ALK: variants seen among roughly 807,000 people sequenced by gnomAD.
ALK encodes ALK receptor tyrosine kinase, also known as ALK tyrosine kinase receptor.
A neutral mutation model predicts 163.1 loss-of-function variants in ALK; 74 were observed. That is an observed-to-expected ratio of 0.45 (90% CI 0.38 to 0.55). The LOEUF (loss-of-function observed/expected upper bound fraction) is 0.55, where lower values mean the gene tolerates loss of function less well. Among genes scored for constraint, ALK ranks in the 20% least tolerant of loss-of-function variants. The pLI is 0.00. For missense variants in ALK, 2,063 were observed against 2,105.3 expected (o/e 0.98, Z 0.39); for synonymous variants, 960 against 843.2 (o/e 1.14, Z -2.40).
Position 29,307,991 on chromosome 2 carries a change from A to G in ALK, c.1647+10313T>C, listed in dbSNP as rs555632092. On this transcript the variant is annotated intron_variant, in intron 8 of 28. Transcript: ENST00000389048. ...TCTAAAAACATGAAGGCCACATACA[A>G]AAATAATCACCTTGAGATCTCTGGC... Among the ~76,000 whole-genome samples, 3 of 152,314 alleles carry G rather than the reference A, an allele frequency of 2.0e-5. No homozygotes were observed. The South Asian group carries it at 6.2e-4, about 32-fold the overall frequency.
intron 22 of ALK, chr2:29,221,141 A>T (rs1175441996): frequency 1.8e-6 from 1 of 566,064 alleles, no homozygotes; most frequent in African/African-American, 1.8e-5. Flanking sequence ...TCTTTCTCAG[A>T]TACTGGTGCG....
intron 1 of ALK, among the ~76,000 whole-genome samples, chr2:29,797,412 C>G (rs1037890870): frequency 6.6e-6 from 1 of 152,154 alleles, no homozygotes; most frequent in African/African-American, 2.4e-5. Flanking sequence ...CCCTGCACCC[C>G]AGTTATATTT....
chr2:29,382,210 T>C (rs1471621149), intron 5 of ALK, among the ~76,000 whole-genome samples: 1 of 152,150 alleles, frequency 6.6e-6, no homozygotes, highest in East Asian at 1.9e-4. Flanking sequence ...AGCGGAGACT[T>C]TCTGAGATTA....
chr2:29,427,963 A>G (rs1434290874), intron 4 of ALK, among the ~76,000 whole-genome samples: 1 of 152,120 alleles, frequency 6.6e-6, no homozygotes, highest in African/African-American at 2.4e-5. Flanking sequence ...TTAGAAATCA[A>G]TGCAGAAAGG....
chr2:29,261,802 C>T (rs1184669954), intron 11 of ALK, among the ~76,000 whole-genome samples: 1 of 152,140 alleles, frequency 6.6e-6, no homozygotes, highest in Non-Finnish European at 1.5e-5. Flanking sequence ...AGCATGTCCA[C>T]CCGTGTTTAA....
chr2:29,296,639 A>T (rs1666188149), intron 9 of ALK, among the ~76,000 whole-genome samples: 1 of 152,192 alleles, frequency 6.6e-6, no homozygotes, highest in Non-Finnish European at 1.5e-5. Flanking sequence ...ACCAGGCCAT[A>T]CCAGTGGTCC....
chr2:29,657,718 A>T (rs1558428864), intron 3 of ALK, among the ~76,000 whole-genome samples: 1 of 152,116 alleles, frequency 6.6e-6, no homozygotes. Context: ...AAAGACAATG[A>T]AAGACAACAA....
At chr2:29,364,136 T>A (rs1014367713) in intron 5 of ALK, among the ~76,000 whole-genome samples, 4 of 152,164 alleles carry the variant, frequency 2.6e-5, no homozygotes, top group Non-Finnish European at 5.9e-5. Context: ...TGGTTAGAGA[T>A]TAACGAAAGG....
chr2:29,217,900 A>T (rs1398266216), intron 23 of ALK, among the ~76,000 whole-genome samples: 1 of 152,048 alleles, frequency 6.6e-6, no homozygotes, highest in African/African-American at 2.4e-5. Context: ...TCCATCCCTC[A>T]TGTCCCTTGG....
intron 1 of ALK, among the ~76,000 whole-genome samples, chr2:29,735,220 A>T (rs1178022228): frequency 6.6e-6 from 1 of 151,688 alleles, no homozygotes; most frequent in Non-Finnish European, 1.5e-5. Flanking sequence ...TGGATATACC[A>T]TTCCCCTGTT....
chr2:29,794,511 T>G lies in ALK; in HGVS notation c.668-76814A>C, dbSNP rs140449298. On this transcript the variant is annotated intron_variant, in intron 1 of 28. Transcript: ENST00000389048. ...CTAGCTTTTGATCTGTCTCAGCTTT[T>G]GACATGCCTACTCACCAAACTTAAT... is the stretch of plus-strand genomic sequence containing the variant. Among the ~76,000 whole-genome samples, 38 of 152,338 alleles carry G rather than the reference T, an allele frequency of 2.5e-4. No individual in the cohort carries two copies. In the East Asian group the frequency reaches 6.2e-3, roughly 25 times the overall value.
At chr2:29,441,623 T>C (rs944886796) in intron 4 of ALK, among the ~76,000 whole-genome samples, 1 of 152,164 alleles carries the variant, frequency 6.6e-6, no homozygotes, top group Non-Finnish European at 1.5e-5. Context: ...ACCAGCATGA[T>C]TGTAGCTGTG....
intron 4 of ALK, among the ~76,000 whole-genome samples, chr2:29,520,965 CAGG>C (rs1307953704): frequency 6.6e-6 from 1 of 152,150 alleles, no homozygotes; most frequent in Admixed American, 6.5e-5. Context: ...TCCTGATGGC[CAGG>C]AGAAGTCACT....
intron 1 of ALK, among the ~76,000 whole-genome samples, chr2:29,767,089 ATT>A (rs1680885602): frequency 6.6e-6 from 1 of 152,234 alleles, no homozygotes; most frequent in South Asian, 2.1e-4. Flanking sequence ...AACCACAGCT[ATT>A]TATAACTTTT....
At chr2:29,838,167 T>C (rs1467637457) in intron 1 of ALK, among the ~76,000 whole-genome samples, 1 of 151,596 alleles carries the variant, frequency 6.6e-6, no homozygotes, top group East Asian at 1.9e-4. Context: ...CTATCAAAAC[T>C]AAAGAGTAGA....
At chr2:29,894,150 G>C (rs79976113) in intron 1 of ALK, among the ~76,000 whole-genome samples, 1,996 of 152,254 alleles carry the variant, frequency 0.013, 49 homozygotes, top group East Asian at 0.073. Flanking sequence ...GAAACCCAGA[G>C]AGAACTTGGC....
chr2:29,640,608 C>G (rs200679556), intron 3 of ALK, among the ~76,000 whole-genome samples: 5 of 152,154 alleles, frequency 3.3e-5, no homozygotes, highest in African/African-American at 1.2e-4. Context: ...AGCCATTAAA[C>G]CTCTTTTCTT....
chr2:29,285,630 T>C (rs1316211683), intron 9 of ALK, among the ~76,000 whole-genome samples: 1 of 151,978 alleles, frequency 6.6e-6, no homozygotes, highest in Non-Finnish European at 1.5e-5. Flanking sequence ...TGGTGCGATT[T>C]CAGCTCCCTG....
chr2:29,615,578 A>C (rs761873321), intron 3 of ALK, among the ~76,000 whole-genome samples: 1 of 152,180 alleles, frequency 6.6e-6, no homozygotes, highest in Non-Finnish European at 1.5e-5. Context: ...AGCTCTTCTT[A>C]TAGTTTATAG....
Sources: allele counts gnomAD v4.1 joint callset (sites outside exome capture counted in the v4.1 genomes callset), GRCh38; gene constraint gnomAD v4.1.1; transcripts MANE v1.5; gene names NCBI Gene and HGNC (gene_info 2026-07-23, HGNC 2026-07-21).